The following CAMTA1 variants were observed in gnomAD, a reference collection of about 807,000 sequenced individuals.
CAMTA1 encodes calmodulin binding transcription activator 1, also known as calmodulin-binding transcription activator 1.
A neutral mutation model predicts 170.9 loss-of-function variants in CAMTA1; 27 were observed. That is an observed-to-expected ratio of 0.16 (90% CI 0.12 to 0.22). The LOEUF is 0.22. CAMTA1 is among the 10% of genes least tolerant of loss of function. CAMTA1 has a pLI of 1.00. For synonymous variants in CAMTA1, 833 were observed against 891.5 expected, an observed-to-expected ratio of 0.93 and a Z score of 1.17; for missense variants, 1,619 against 2,217.2, an observed-to-expected ratio of 0.73 and a Z score of 5.42.
chr1:7,036,223 C>T (rs549255326), intron 3 of CAMTA1, among the ~76,000 whole-genome samples: 3 of 152,240 alleles, frequency 2.0e-5, no homozygotes, highest in East Asian at 1.9e-4. Flanking sequence ...GATTGGTTGG[C>T]ACGCAGGTTT....
chr1:7,668,331 T>G (rs1891216), intron 9 of CAMTA1, among the ~76,000 whole-genome samples: 46,298 of 150,404 alleles, frequency 0.31, 7,711 homozygotes, highest in Non-Finnish European at 0.37. Flanking sequence ...TCCCACAGGC[T>G]GCTCCCATTT....
Position 7,609,553 on chromosome 1 carries a change from C to T in CAMTA1, c.511-30847C>T, listed in dbSNP as rs1246076161. On this transcript the variant is annotated intron_variant, in intron 6 of 22. Coordinates refer to ENST00000303635, the MANE Select transcript of CAMTA1 (RefSeq NM_015215.4). The surrounding 1 kb of genome is among the most constrained non-coding windows in gnomAD (Gnocchi z 4.4). ...GCCACCCCTCTCTCAGGCTCCAGTC[C>T]AGCCCTGCAGGAGTGAGCCAGCCTC... 1.3e-5 allele frequency among the ~76,000 whole-genome samples: 2 copies of T among 152,278 alleles called. No individual in the cohort carries two copies. The highest frequency in any genetic ancestry group is 2.1e-4 in the South Asian group (1 of 4,832).
chr1:7,712,892 T>C (rs903038482), intron 11 of CAMTA1, among the ~76,000 whole-genome samples: 3 of 152,268 alleles, frequency 2.0e-5, no homozygotes, highest in Admixed American at 6.5e-5. Context: ...GGAATTGCCC[T>C]TTATAAAACC....
At chr1:7,348,113 C>G (rs1027483842) in intron 5 of CAMTA1, among the ~76,000 whole-genome samples, 2 of 152,164 alleles carry the variant, frequency 1.3e-5, no homozygotes, top group African/African-American at 4.8e-5. Flanking sequence ...CCTCTGGTGT[C>G]TCTGCCTCCA....
At chr1:7,232,531 T>C (rs2149212409) in intron 4 of CAMTA1, among the ~76,000 whole-genome samples, 1 of 152,312 alleles carries the variant, frequency 6.6e-6, no homozygotes, top group Middle Eastern at 3.4e-3. Flanking sequence ...ATTAGTTTAT[T>C]TTTATTGGCC....
intron 3 of CAMTA1, among the ~76,000 whole-genome samples, chr1:6,891,750 T>C (rs1404326844): frequency 1.3e-5 from 2 of 152,216 alleles, no homozygotes; most frequent in Non-Finnish European, 2.9e-5. Context: ...CACCAGCCAA[T>C]TTTAATACAT....
chr1:6,793,852 C>G (rs189381367), intron 1 of CAMTA1, among the ~76,000 whole-genome samples: 1 of 152,168 alleles, frequency 6.6e-6, no homozygotes, highest in African/African-American at 2.4e-5. Context: ...GTTCTTAAAA[C>G]TTAAATTTGT....
At chr1:7,052,615 C>T (rs917680611) in intron 3 of CAMTA1, among the ~76,000 whole-genome samples, 6 of 152,186 alleles carry the variant, frequency 3.9e-5, no homozygotes, top group African/African-American at 9.7e-5. Flanking sequence ...CCTTTCCCCT[C>T]GCTCACATGA....
At chr1:7,622,558 C>A (rs115715832) in intron 6 of CAMTA1, among the ~76,000 whole-genome samples, 3,033 of 152,324 alleles carry the variant, frequency 0.02, 88 homozygotes, top group African/African-American at 0.069. Flanking sequence ...CGGAGTAAGC[C>A]TTCCACCACC....
At chr1:7,381,932 C>T (rs372352671) in intron 5 of CAMTA1, among the ~76,000 whole-genome samples, 12 of 152,218 alleles carry the variant, frequency 7.9e-5, no homozygotes, top group Middle Eastern at 3.4e-3. Context: ...ACCTGGGAAA[C>T]GATTGGTTAG....
chr1:7,247,460 A>G (rs1006940608), intron 4 of CAMTA1, among the ~76,000 whole-genome samples: 2 of 152,206 alleles, frequency 1.3e-5, no homozygotes, highest in African/African-American at 4.8e-5. Flanking sequence ...ATCACAGTTC[A>G]TGTCTTAGCT....
At chr1:6,840,405 G>A (rs1198349548) in intron 3 of CAMTA1, among the ~76,000 whole-genome samples, 1 of 152,118 alleles carries the variant, frequency 6.6e-6, no homozygotes, top group African/African-American at 2.4e-5. Flanking sequence ...GGGGGTGGAG[G>A]GAGTGAGAAG....
intron 7 of CAMTA1, among the ~76,000 whole-genome samples, chr1:7,646,787 C>A (rs1484775936): frequency 6.6e-6 from 1 of 150,992 alleles, no homozygotes; most frequent in African/African-American, 2.4e-5. Context: ...GAATGGAGGC[C>A]CTAGTGAGTG....
intron 4 of CAMTA1, among the ~76,000 whole-genome samples, chr1:7,095,980 C>A (rs1451083094): frequency 6.6e-6 from 1 of 152,222 alleles, no homozygotes; most frequent in Non-Finnish European, 1.5e-5. Context: ...GCATGTCCTT[C>A]CCAGGAATCC....
chr1:6,966,952 A>G (rs1691664296), intron 3 of CAMTA1, among the ~76,000 whole-genome samples: 1 of 145,502 alleles, frequency 6.9e-6, no homozygotes. Context: ...GAAAAAATTC[A>G]TGGTTGAGAC....
intron 3 of CAMTA1, among the ~76,000 whole-genome samples, chr1:6,924,898 G>A (rs545243958): frequency 6.6e-6 from 1 of 152,314 alleles, no homozygotes; most frequent in South Asian, 2.1e-4. Flanking sequence ...TTGCCTCTTG[G>A]TCTGATTTCT....
chr1:7,390,477 G>A (rs560528942), intron 5 of CAMTA1, among the ~76,000 whole-genome samples: 16 of 152,312 alleles, frequency 1.1e-4, no homozygotes, highest in Non-Finnish European at 1.8e-4. Context: ...CAGTACCAGT[G>A]CACGGCCCAG....
intron 6 of CAMTA1, among the ~76,000 whole-genome samples, chr1:7,494,777 G>A (rs1197323444): frequency 3.9e-5 from 6 of 152,166 alleles, no homozygotes; most frequent in South Asian, 2.1e-4. Context: ...GCACTCCAGC[G>A]TGGGTGACAG....
At position 7,063,578 on chromosome 1, in the gene CAMTA1, A is replaced by G. The variant is rs1040170896; in HGVS notation, c.235-27726A>G. ...ATTATGGCTATATCTCCTCCCCTGTAGCCTCCCCTGCTCTGCCCTCTGCTT... is the reference window on the plus strand; with the variant it reads ...ATTATGGCTATATCTCCTCCCCTGTGGCCTCCCCTGCTCTGCCCTCTGCTT... On this transcript the variant is annotated intron_variant, in intron 3 of 22. Coordinates refer to ENST00000303635, the MANE Select transcript of CAMTA1 (RefSeq NM_015215.4). This position sits in a 1 kb window ranked among gnomAD's most constrained non-coding sequence, Gnocchi z 4.3. Among the ~76,000 whole-genome samples, 5 of 152,236 alleles carry G rather than the reference A, an allele frequency of 3.3e-5. No homozygotes were observed. The highest frequency in any genetic ancestry group is 7.3e-5 in the Non-Finnish European group (5 of 68,038).
Sources: allele counts gnomAD v4.1 joint callset (sites outside exome capture counted in the v4.1 genomes callset), GRCh38; gene constraint gnomAD v4.1.1; non-coding constraint Gnocchi (gnomAD v3.1); transcripts MANE v1.5; gene names NCBI Gene and HGNC (gene_info 2026-07-23, HGNC 2026-07-21).